The following AGBL4 variants were observed in gnomAD, a reference collection of about 807,000 sequenced individuals.
AGBL4 encodes cytosolic carboxypeptidase 6.
Under a neutral mutation model 66.4 loss-of-function variants are expected in AGBL4, and 58 were observed. That is an observed-to-expected ratio of 0.87 (90% CI 0.71 to 1.09). The LOEUF (loss-of-function observed/expected upper bound fraction) is 1.09, where lower values mean the gene tolerates loss of function less well. Among genes scored for constraint, AGBL4 ranks in the 50% least tolerant of loss-of-function variants. The pLI, the probability that AGBL4 is intolerant of heterozygous loss-of-function variation, is 0.00. For missense variants in AGBL4, 579 were observed against 631.0 expected (o/e 0.92, Z 0.88); for synonymous variants, 234 against 222.9 (o/e 1.05, Z -0.44).
intron 3 of AGBL4, among the ~76,000 whole-genome samples, chr1:49,539,205 T>G (rs1651825803): frequency 1.3e-5 from 2 of 152,326 alleles, no homozygotes; most frequent in African/African-American, 4.8e-5. Context: ...TGTAAACAAT[T>G]ATTCATATCT....
intron 1 of AGBL4, among the ~76,000 whole-genome samples, chr1:49,979,493 G>A (rs1205577203): frequency 6.6e-6 from 1 of 151,828 alleles, no homozygotes; most frequent in Non-Finnish European, 1.5e-5. Context: ...CTTACAACCT[G>A]TTATAGACAT....
At chr1:48,968,464 G>C (rs969238741) in intron 5 of AGBL4, among the ~76,000 whole-genome samples, 4 of 152,168 alleles carry the variant, frequency 2.6e-5, no homozygotes, top group Admixed American at 6.6e-5. Flanking sequence ...TTTGTTAGGA[G>C]AGGGGCATCT....
intron 2 of AGBL4, among the ~76,000 whole-genome samples, chr1:49,767,541 T>C (rs1251383486): frequency 5.3e-5 from 8 of 151,726 alleles, no homozygotes; most frequent in Non-Finnish European, 1.2e-4. Context: ...ACATTGCATC[T>C]AGAGTATAAA....
chr1:49,777,577 G>A (rs1644230511), intron 2 of AGBL4, among the ~76,000 whole-genome samples: 1 of 152,120 alleles, frequency 6.6e-6, no homozygotes, highest in African/African-American at 2.4e-5. Context: ...CATCTGAAAA[G>A]CCCAGCCTAG....
At chr1:49,603,713 C>T (rs1480943375) in intron 3 of AGBL4, among the ~76,000 whole-genome samples, 1 of 151,820 alleles carries the variant, frequency 6.6e-6, no homozygotes, top group Non-Finnish European at 1.5e-5. Context: ...TACCTTCACT[C>T]CCCTCCCTCC....
chr1:49,359,963 G>A (rs1334161136), intron 3 of AGBL4, among the ~76,000 whole-genome samples: 1 of 152,098 alleles, frequency 6.6e-6, no homozygotes, highest in African/African-American at 2.4e-5. Flanking sequence ...ATATGATGAT[G>A]GCTCCCAAGA....
At chr1:49,300,615 C>T (rs1243571116) in intron 3 of AGBL4, among the ~76,000 whole-genome samples, 2 of 152,136 alleles carry the variant, frequency 1.3e-5, no homozygotes, top group African/African-American at 4.8e-5. Context: ...CAAATCTCAC[C>T]ATGTCTCACC....
intron 3 of AGBL4, among the ~76,000 whole-genome samples, chr1:49,469,590 A>G (rs1182440480): frequency 6.6e-6 from 1 of 151,928 alleles, no homozygotes; most frequent in Non-Finnish European, 1.5e-5. Context: ...AAAGATGACC[A>G]AACTCTTTCT....
rs534352620 is a variant in AGBL4 at position 49,236,226 on chromosome 1, C to T, written c.377+9544G>A. ...TTTTTGTATTAGAAGCAGGGTTTCA[C>T]CATGTTGGCCAGGCTGGTCACAAAC... On this transcript the variant is annotated intron_variant, in intron 4 of 13. Transcript: ENST00000371839. Among the ~76,000 whole-genome samples, 37 of 152,014 alleles carry T rather than the reference C, an allele frequency of 2.4e-4. 2 individuals carry two copies. The South Asian group carries it at 7.3e-3, about 30-fold the overall frequency.
At chr1:49,096,142 C>T (rs1356065276) in intron 4 of AGBL4, among the ~76,000 whole-genome samples, 3 of 151,126 alleles carry the variant, frequency 2.0e-5, no homozygotes, top group South Asian at 2.1e-4. Context: ...CAATGAGATA[C>T]CATCTCACAC....
chr1:48,575,548 C>T (rs980368930), intron 11 of AGBL4, among the ~76,000 whole-genome samples: 21 of 152,132 alleles, frequency 1.4e-4, no homozygotes, highest in African/African-American at 3.4e-4. Flanking sequence ...TAGCCTTCTC[C>T]GGCCTCATTG....
chr1:49,735,410 G>T (rs182196292), intron 2 of AGBL4, among the ~76,000 whole-genome samples: 23 of 150,812 alleles, frequency 1.5e-4, no homozygotes, highest in Admixed American at 7.3e-4. Flanking sequence ...AAAGAATGCA[G>T]TCGGCCTCTA....
chr1:49,734,160 C>G (rs1649677658), intron 2 of AGBL4, among the ~76,000 whole-genome samples: 1 of 151,960 alleles, frequency 6.6e-6, no homozygotes. Context: ...TGGGCTACAG[C>G]TAACATCATA....
intron 1 of AGBL4, among the ~76,000 whole-genome samples, chr1:49,905,981 T>C (rs1650232910): frequency 6.6e-6 from 1 of 152,038 alleles, no homozygotes; most frequent in South Asian, 2.1e-4. Flanking sequence ...TTCAGAATCC[T>C]ACCCCCTAGG....
At chr1:49,480,458 T>C (rs1646933366) in intron 3 of AGBL4, among the ~76,000 whole-genome samples, 1 of 152,062 alleles carries the variant, frequency 6.6e-6, no homozygotes, top group Admixed American at 6.5e-5. Context: ...TCTGTTCATG[T>C]CCTTTGCCCA....
chr1:49,782,247 CA>C (rs765361652), intron 2 of AGBL4, among the ~76,000 whole-genome samples: 6 of 151,844 alleles, frequency 4.0e-5, no homozygotes, highest in Admixed American at 1.3e-4. Context: ...AACAAAGACA[CA>C]AACTATTAAA....
chr1:48,922,237 T>C (rs747864134), intron 5 of AGBL4, among the ~76,000 whole-genome samples: 2 of 152,196 alleles, frequency 1.3e-5, no homozygotes, highest in Non-Finnish European at 2.9e-5. Flanking sequence ...TATTAAGACT[T>C]TTCTCATTTG....
At chr1:49,896,474 T>TC (rs147920635) in intron 1 of AGBL4, among the ~76,000 whole-genome samples, 63,640 of 151,286 alleles carry the variant, frequency 0.42, 15,821 homozygotes, top group Non-Finnish European at 0.56. Context: ...TGATGAATTT[T>TC]ACCAAATATT....
chr1:49,152,590 G>A (rs1452092188), intron 4 of AGBL4, among the ~76,000 whole-genome samples: 2 of 152,182 alleles, frequency 1.3e-5, no homozygotes, highest in Non-Finnish European at 2.9e-5. Flanking sequence ...ATACATTTCT[G>A]GGGCTGGAGC....
Sources: gnomAD v4.1 joint callset for allele counts (sites outside exome capture counted in the v4.1 genomes callset) on GRCh38, gnomAD v4.1.1 for gene constraint, MANE v1.5 for transcripts, NCBI Gene and HGNC (gene_info 2026-07-23, HGNC 2026-07-21) for gene names.